The following NTRK1 variants were observed in gnomAD, a reference collection of about 807,000 sequenced individuals.
NTRK1 encodes the protein neurotrophic receptor tyrosine kinase 1.
Under a neutral mutation model 86.8 loss-of-function variants are expected in NTRK1, and 62 were observed. That is an observed-to-expected ratio of 0.71 (90% CI 0.58 to 0.88). NTRK1 has a LOEUF of 0.88. Among genes scored for constraint, NTRK1 ranks in the 40% least tolerant of loss-of-function variants. The pLI is 0.00. For synonymous variants in NTRK1, 469 were observed against 456.6 expected (o/e 1.03, Z -0.35); for missense variants, 967 against 1,078.4 (o/e 0.90, Z 1.45).
chr1:156,831,268 T>C (rs907709180), intron 1 of NTRK1, among the ~76,000 whole-genome samples: 1 of 152,220 alleles, frequency 6.6e-6, no homozygotes, highest in Non-Finnish European at 1.5e-5. Context: ...CATTTGGAGC[T>C]GTGGCAGGAG....
chr1:156,868,471 C>A (rs1487274433), intron 5 of NTRK1, 34 bp from the exon 6 acceptor site: 13 of 1,551,956 alleles, frequency 8.4e-6, no homozygotes, highest in Non-Finnish European at 1.1e-5. Context: ...CCAGCTCTAA[C>A]ACCCCTTGGC....
At chr1:156,875,098 G>A (rs2102912977) in intron 11 of NTRK1, 90 bp downstream of exon 11, 1 of 958,220 alleles carries the variant, frequency 1.0e-6, no homozygotes, top group Non-Finnish European at 1.7e-6. Flanking sequence ...CTGGGGGGCT[G>A]TGCACATGGG....
rs1648279613 is a variant in NTRK1 at position 156,881,705 on chromosome 1, C to T, written c.*63C>T. 1.4e-6 allele frequency: 2 copies of T among 1,474,092 alleles called. No individual in the cohort carries two copies. Among genetic ancestry groups the T allele is most frequent in the Non-Finnish European group, 1.8e-6 (2 of 1,094,158 alleles). 91.3% of individuals were successfully genotyped at this position (1,474,092 alleles called of 1,614,324 possible). Reference sequence around the variant, plus strand: ...ACTGGGGCCTGCCCTCAGCATCCCCCATAGCTCCCAGCAGCCCCAGGGTGA... The same window carrying T: ...ACTGGGGCCTGCCCTCAGCATCCCCTATAGCTCCCAGCAGCCCCAGGGTGA... On this transcript the variant is annotated 3_prime_UTR_variant, in exon 17 of 17. Coordinates refer to ENST00000524377, the MANE Select transcript of NTRK1 (RefSeq NM_002529.4).
At chr1:156,865,946 C>T (rs1433047946) in intron 3 of NTRK1, among the ~76,000 whole-genome samples, 3 of 152,242 alleles carry the variant, frequency 2.0e-5, no homozygotes, top group African/African-American at 4.8e-5. Flanking sequence ...CAGTTAAAAA[C>T]GTGCTCAATG....
intron 16 of NTRK1, chr1:156,880,570 C>G (rs1648198064): frequency 5.3e-6 from 1 of 187,228 alleles, no homozygotes; most frequent in Non-Finnish European, 1.1e-5. Flanking sequence ...GTCCTACCCC[C>G]TCCCCCTGCC....
chr1:156,858,508 G>A, upstream of NTRK1: 1 of 1,581,222 alleles, frequency 6.3e-7, no homozygotes, highest in East Asian at 2.2e-5. Flanking sequence ...AGGGAGGTAG[G>A]GGTCTGGGAG....
At chr1:156,826,958 T>C (rs1654333141) in intron 1 of NTRK1, among the ~76,000 whole-genome samples, 1 of 152,248 alleles carries the variant, frequency 6.6e-6, no homozygotes, top group Non-Finnish European at 1.5e-5. Context: ...CCTGTATCTA[T>C]TTAGTAAACA....
At chr1:156,848,656 A>G (rs74118778) in intron 2 of NTRK1, among the ~76,000 whole-genome samples, 13,488 of 152,194 alleles carry the variant, frequency 0.089, 791 homozygotes, top group African/African-American at 0.16. Flanking sequence ...TAATGATCCA[A>G]GCCTTCCCAG....
chr1:156,876,704 G>A (rs990957153), intron 14 of NTRK1, 132 bp downstream of exon 14: 33 of 1,124,908 alleles, frequency 2.9e-5, no homozygotes, highest in South Asian at 8.1e-5. Context: ...GCACATTCCC[G>A]TCCCCAGGGA....
chr1:156,826,291 C>CTT (rs1571642040), intron 1 of NTRK1, among the ~76,000 whole-genome samples: 1 of 64,102 alleles, frequency 1.6e-5, no homozygotes, highest in African/African-American at 5.2e-5. Context: ...TAGACTTGAG[C>CTT]TCTTTTTTTT....
intron 7 of NTRK1, among the ~76,000 whole-genome samples, chr1:156,872,734 G>A (rs1440622520): frequency 6.7e-6 from 1 of 148,490 alleles, no homozygotes; most frequent in Non-Finnish European, 1.5e-5. Context: ...GGAGTGCAGT[G>A]GCGCGCTCTC....
At chr1:156,821,069 TTTTG>T (rs1005731179) in intron 1 of NTRK1, among the ~76,000 whole-genome samples, 9 of 152,266 alleles carry the variant, frequency 5.9e-5, no homozygotes, top group South Asian at 2.1e-4. Flanking sequence ...TTCCTAAGTT[TTTTG>T]TTTGTTTGTT....
At chr1:156,826,272 T>C (rs943969838) in intron 1 of NTRK1, among the ~76,000 whole-genome samples, 1 of 149,510 alleles carries the variant, frequency 6.7e-6, no homozygotes, top group African/African-American at 2.5e-5. Context: ...TTTGCTACGT[T>C]GTCCAGGCTA....
In NTRK1 at chr1:156,881,742, C is replaced by T; in HGVS notation, c.*100C>T. On this transcript the variant is annotated 3_prime_UTR_variant, in exon 17 of 17. Transcript: ENST00000524377. ...CAGCCCCAGGGTGATCTCAAAGTAT[C>T]TAATTCACCCTCAGCATGTGGGAAG... The T allele has an allele frequency of 8.3e-7, 1 of 1,211,210 alleles. No homozygotes were observed. 75.0% of individuals were successfully genotyped at this position (1,211,210 alleles called of 1,614,324 possible).
At position 156,879,159 on chromosome 1, in the gene NTRK1, G is replaced by A. The variant is rs149663928; in HGVS notation, c.1843G>A (p.Glu615Lys). The A allele has an allele frequency of 3.1e-6, 5 of 1,613,860 alleles. No homozygotes were observed. The highest frequency in any genetic ancestry group is 1.1e-5 in the South Asian group (1 of 91,056). Reference protein sequence around the residue: ...GPDAKLLAGGEDVAPGPLGLG... With the variant: ...GPDAKLLAGGKDVAPGPLGLG... ...TGATGCCAAGCTGCTGGCTGGTGGG[G>A]AGGATGTGGCTCCAGGCCCCCTGGG... The change falls in exon 15 of 17, where the codon GAG (glutamate) becomes AAG (lysine). Residue 615 changes from glutamate to lysine, a missense_variant. Glu to Lys is a moderately conservative substitution (Grantham distance 56). This residue lies in a region of NTRK1 where 637 missense variants were observed against 776.5 expected (regional missense o/e 0.82). Coordinates refer to ENST00000524377, the MANE Select transcript of NTRK1 (RefSeq NM_002529.4).
At chr1:156,824,355 T>G (rs1240255460) in intron 1 of NTRK1, among the ~76,000 whole-genome samples, 1 of 152,176 alleles carries the variant, frequency 6.6e-6, no homozygotes, top group South Asian at 2.1e-4. Context: ...CATTTATCAG[T>G]TGGTTATATG....
chr1:156,863,813 C>A (rs1475897097), intron 1 of NTRK1, among the ~76,000 whole-genome samples: 1 of 152,080 alleles, frequency 6.6e-6, no homozygotes, highest in Non-Finnish European at 1.5e-5. Flanking sequence ...TAAGCCTTGG[C>A]CTTTTGTGGT....
At chr1:156,842,646 T>C (rs945995046) in intron 2 of NTRK1, 48 of 656,810 alleles carry the variant, frequency 7.3e-5, no homozygotes, top group Non-Finnish European at 1.1e-4. Flanking sequence ...ACCTGACTCC[T>C]GACCTAACAA....
At chr1:156,855,209 T>TATCTATCTATCTA (rs1441512082) in intron 2 of NTRK1, among the ~76,000 whole-genome samples, 2 of 151,924 alleles carry the variant, frequency 1.3e-5, no homozygotes, top group Admixed American at 6.6e-5. Flanking sequence ...TCTATCTATC[T>TATCTATCTATCTA]ATTTATTTAT....
Sources: allele counts gnomAD v4.1 joint callset (sites outside exome capture counted in the v4.1 genomes callset), GRCh38; gene constraint gnomAD v4.1.1; regional missense constraint gnomAD v4.1.1; transcripts MANE v1.5; gene names NCBI Gene and HGNC (gene_info 2026-07-23, HGNC 2026-07-21).